The following ZNF804B variants were observed in gnomAD, a reference collection of about 807,000 sequenced individuals.
ZNF804B encodes zinc finger 804B.
In ZNF804B, 80 loss-of-function variants were observed where a neutral mutation model predicts 101.4. The ratio of observed to expected loss-of-function variants is 0.79; its 90% CI spans 0.66 to 0.95. The LOEUF (loss-of-function observed/expected upper bound fraction) is 0.95, where lower values mean the gene tolerates loss of function less well. Ranked by LOEUF, ZNF804B falls within the 40% of genes least tolerant of loss-of-function variation. ZNF804B has a pLI of 0.00. For synonymous variants in ZNF804B, 622 were observed against 558.8 expected (o/e 1.11, Z -1.59); for missense variants, 1,673 against 1,561.9 (o/e 1.07, Z -1.20).
intron 1 of ZNF804B, among the ~76,000 whole-genome samples, chr7:88,854,414 C>CCTTCCTTTCTTCCTTTCTTT (rs1232481883): frequency 1.8e-5 from 1 of 57,076 alleles, no homozygotes; most frequent in Non-Finnish European, 3.6e-5. Context: ...TTTCTTTCTT[C>CCTTCCTTTCTTCCTTTCTTT]CTTTCTTTCT....
intron 1 of ZNF804B, among the ~76,000 whole-genome samples, chr7:89,005,780 C>T (rs1788362598): frequency 6.6e-6 from 1 of 152,086 alleles, no homozygotes; most frequent in Non-Finnish European, 1.5e-5. Context: ...TTCCTTCTCA[C>T]CTCTGTCATT....
intron 1 of ZNF804B, among the ~76,000 whole-genome samples, chr7:89,086,363 A>C (rs1789801217): frequency 6.6e-6 from 1 of 151,960 alleles, no homozygotes; most frequent in South Asian, 2.1e-4. Context: ...ATGTTCCCCT[A>C]CCTATGAAAA....
At chr7:89,030,092 A>G (rs1788807262) in intron 1 of ZNF804B, among the ~76,000 whole-genome samples, 1 of 152,164 alleles carries the variant, frequency 6.6e-6, no homozygotes, top group Admixed American at 6.6e-5. Context: ...GGAAGTCAAC[A>G]CAGTCTTCTG....
chr7:89,055,903 G>A (rs1789285229), intron 1 of ZNF804B, among the ~76,000 whole-genome samples: 1 of 152,116 alleles, frequency 6.6e-6, no homozygotes, highest in Non-Finnish European at 1.5e-5. Flanking sequence ...CTGTCTGGAT[G>A]TGGTGATAAC....
chr7:88,844,854 T>C lies in ZNF804B; in HGVS notation c.108+84770T>C, dbSNP rs985827058. 3.3e-5 allele frequency among the ~76,000 whole-genome samples: 5 copies of C among 152,238 alleles called. No individual in the cohort carries two copies. In the South Asian group the frequency reaches 8.3e-4, roughly 25 times the overall value. On this transcript the variant is annotated intron_variant, in intron 1 of 3. Transcript: ENST00000333190. Reference sequence around the variant, plus strand: ...TAATTTTGAGATTTATAATAGGATATATGGGGAGTTAAATAATCCTTAATT... The same window carrying C: ...TAATTTTGAGATTTATAATAGGATACATGGGGAGTTAAATAATCCTTAATT...
chr7:89,225,747 T>A (rs1789079835), intron 2 of ZNF804B, among the ~76,000 whole-genome samples: 1 of 152,166 alleles, frequency 6.6e-6, no homozygotes, highest in Non-Finnish European at 1.5e-5. Context: ...AAATATTTGA[T>A]CCCATATTAT....
At chr7:88,788,510 T>A (rs2115677361) in intron 1 of ZNF804B, among the ~76,000 whole-genome samples, 1 of 152,286 alleles carries the variant, frequency 6.6e-6, no homozygotes, top group Admixed American at 6.5e-5. Context: ...ACCCATTAGT[T>A]ACTGTCAACA....
At chr7:89,180,495 A>G (rs931279197) in intron 1 of ZNF804B, among the ~76,000 whole-genome samples, 3 of 151,998 alleles carry the variant, frequency 2.0e-5, no homozygotes, top group African/African-American at 7.2e-5. Context: ...AAGACCCAAG[A>G]AAGAACTGGG....
intron 1 of ZNF804B, among the ~76,000 whole-genome samples, chr7:88,962,514 C>T (rs560725720): frequency 2.7e-5 from 4 of 150,502 alleles, no homozygotes; most frequent in South Asian, 2.1e-4. Flanking sequence ...GAGGTGGCTG[C>T]GAATCGATAA....
intron 1 of ZNF804B, among the ~76,000 whole-genome samples, chr7:89,057,908 C>A (rs1428887906): frequency 1.3e-5 from 2 of 151,988 alleles, no homozygotes; most frequent in Admixed American, 6.6e-5. Flanking sequence ...CAAAGAAGTA[C>A]ATCATTATTA....
intron 2 of ZNF804B, among the ~76,000 whole-genome samples, chr7:89,321,482 AAATAAT>A (rs570968450): frequency 1.3e-5 from 2 of 151,990 alleles, no homozygotes; most frequent in Non-Finnish European, 2.9e-5. Context: ...CCATCTCAAA[AAATAAT>A]AATAATAATA....
At chr7:88,883,816 G>T (rs1792079330) in intron 1 of ZNF804B, among the ~76,000 whole-genome samples, 1 of 121,892 alleles carries the variant, frequency 8.2e-6, no homozygotes, top group African/African-American at 4.0e-5. Context: ...GTGTATGTGT[G>T]TGTTTAAGTA....
chr7:89,232,247 T>C (rs1457833968), intron 2 of ZNF804B, among the ~76,000 whole-genome samples: 2 of 152,172 alleles, frequency 1.3e-5, no homozygotes, highest in Non-Finnish European at 2.9e-5. Context: ...AATTTTTGGA[T>C]ATTAATTCAA....
intron 1 of ZNF804B, among the ~76,000 whole-genome samples, chr7:88,766,730 C>G (rs2718311): frequency 0.41 from 62,693 of 152,054 alleles, 15,336 homozygotes; most frequent in African/African-American, 0.68. Context: ...GTTTCTTTCA[C>G]ATGACTTAGA....
At chr7:89,041,608 C>T (rs1462711422) in intron 1 of ZNF804B, among the ~76,000 whole-genome samples, 3 of 152,138 alleles carry the variant, frequency 2.0e-5, no homozygotes, top group Non-Finnish European at 4.4e-5. Flanking sequence ...CGGGGCCTTG[C>T]CTAACACTGG....
chr7:88,979,176 T>C (rs1379981280), intron 1 of ZNF804B, among the ~76,000 whole-genome samples: 1 of 152,020 alleles, frequency 6.6e-6, no homozygotes, highest in Non-Finnish European at 1.5e-5. Context: ...CAGTTCATTT[T>C]TTAGTCTTTC....
At chr7:88,908,813 T>C (rs1792508455) in intron 1 of ZNF804B, among the ~76,000 whole-genome samples, 1 of 151,838 alleles carries the variant, frequency 6.6e-6, no homozygotes, top group African/African-American at 2.4e-5. Context: ...TAATCTGTCA[T>C]GTCTTCTACT....
intron 1 of ZNF804B, among the ~76,000 whole-genome samples, chr7:89,022,561 T>C (rs1053188015): frequency 1.3e-5 from 2 of 152,200 alleles, no homozygotes; most frequent in Non-Finnish European, 2.9e-5. Flanking sequence ...GGTTTTGCTC[T>C]GAAGGATTAC....
chr7:88,991,244 T>C (rs1793840896), intron 1 of ZNF804B, among the ~76,000 whole-genome samples: 1 of 152,128 alleles, frequency 6.6e-6, no homozygotes. Flanking sequence ...CTTTTATGTA[T>C]GTTTGAAAAA....
Sources: gnomAD v4.1 joint callset for allele counts (sites outside exome capture counted in the v4.1 genomes callset) on GRCh38, gnomAD v4.1.1 for gene constraint, MANE v1.5 for transcripts, NCBI Gene and HGNC (gene_info 2026-07-23, HGNC 2026-07-21) for gene names.